RBFOX1: variants seen among roughly 807,000 people sequenced by gnomAD.
The protein encoded by RBFOX1 is RNA binding fox-1 homolog 1.
In RBFOX1, 8 loss-of-function variants were observed where a neutral mutation model predicts 57.7. The ratio of observed to expected loss-of-function variants is 0.14; its 90% CI spans 0.08 to 0.25. The LOEUF (loss-of-function observed/expected upper bound fraction) is 0.25. Ranked by LOEUF, RBFOX1 falls within the 10% of genes least tolerant of loss-of-function variation. The probability of loss-of-function intolerance (pLI) is 1.00; values close to 1 mark genes in which losing one functional copy is unlikely to be tolerated. For missense variants in RBFOX1, 611 were observed against 548.5 expected, an observed-to-expected ratio of 1.11 and a Z score of -1.14; for synonymous variants, 326 against 222.4, an observed-to-expected ratio of 1.47 and a Z score of -4.15.
chr16:6,074,191 G>A (rs971823591), intron 1 of RBFOX1, among the ~76,000 whole-genome samples: 6 of 151,932 alleles, frequency 3.9e-5, no homozygotes, highest in East Asian at 1.9e-4. Context: ...CTTGTGATCC[G>A]CCCGCCTCAG....
chr16:6,846,458 C>T (rs1026707473), intron 3 of RBFOX1, among the ~76,000 whole-genome samples: 1 of 152,130 alleles, frequency 6.6e-6, no homozygotes, highest in East Asian at 1.9e-4. Context: ...TATAAGAAGA[C>T]ACCTGGGTCA....
chr16:5,624,419 G>T (rs918211617), intron 3 of RBFOX1, among the ~76,000 whole-genome samples: 1 of 152,178 alleles, frequency 6.6e-6, no homozygotes, highest in Non-Finnish European at 1.5e-5. Context: ...GGATGGTCTG[G>T]ATCTCCTGAC....
At chr16:7,424,909 A>T (rs1240427957) in intron 4 of RBFOX1, among the ~76,000 whole-genome samples, 1 of 152,168 alleles carries the variant, frequency 6.6e-6, no homozygotes, top group African/African-American at 2.4e-5. Flanking sequence ...GGAGCAGAAT[A>T]TAATACAAAT....
At chr16:6,145,472 T>A (rs1168864178) in intron 1 of RBFOX1, among the ~76,000 whole-genome samples, 1 of 152,224 alleles carries the variant, frequency 6.6e-6, no homozygotes, top group African/African-American at 2.4e-5. Context: ...GTCTTTGCTA[T>A]TGTGAATAGT....
At chr16:6,022,988 G>C (rs2095113270) in intron 1 of RBFOX1, among the ~76,000 whole-genome samples, 1 of 152,096 alleles carries the variant, frequency 6.6e-6, no homozygotes, top group South Asian at 2.1e-4. Context: ...GAGGGATTCG[G>C]GGATCTAAAA....
intron 4 of RBFOX1, among the ~76,000 whole-genome samples, chr16:7,300,539 A>G (rs1157886680): frequency 6.6e-6 from 1 of 152,228 alleles, no homozygotes; most frequent in Non-Finnish European, 1.5e-5. Context: ...ATAGATGATT[A>G]CATTGAAGTT....
At chr16:5,643,232 G>A (rs1015951414) in intron 3 of RBFOX1, among the ~76,000 whole-genome samples, 1 of 152,202 alleles carries the variant, frequency 6.6e-6, no homozygotes, top group South Asian at 2.1e-4. Flanking sequence ...ATGGGCAGGT[G>A]AGCCCCGCTT....
intron 3 of RBFOX1, among the ~76,000 whole-genome samples, chr16:6,945,433 C>T (rs1470769223): frequency 6.6e-6 from 1 of 151,874 alleles, no homozygotes; most frequent in African/African-American, 2.4e-5. Context: ...CCAATGGTGC[C>T]AGATTTTATC....
At chr16:6,158,379 A>G (rs2096853640) in intron 1 of RBFOX1, among the ~76,000 whole-genome samples, 1 of 152,204 alleles carries the variant, frequency 6.6e-6, no homozygotes, top group African/African-American at 2.4e-5. Context: ...TTGTTAGTCA[A>G]TAGTGAAGGA....
At chr16:7,227,767 C>G (rs1222183316) in intron 4 of RBFOX1, among the ~76,000 whole-genome samples, 2 of 152,218 alleles carry the variant, frequency 1.3e-5, no homozygotes, top group African/African-American at 4.8e-5. Flanking sequence ...GGAATCTCTC[C>G]CTTCCTGTGG....
intron 2 of RBFOX1, among the ~76,000 whole-genome samples, chr16:6,481,263 G>A (rs1481043772): frequency 6.6e-6 from 1 of 152,208 alleles, no homozygotes; most frequent in African/African-American, 2.4e-5. Context: ...AGTTACAGCT[G>A]TAAATGTGGG....
chr16:6,826,382 G>A (rs1299272049), intron 3 of RBFOX1, among the ~76,000 whole-genome samples: 1 of 152,158 alleles, frequency 6.6e-6, no homozygotes, highest in Admixed American at 6.5e-5. Flanking sequence ...TTAGAACACT[G>A]CCTGGTACAT....
intron 3 of RBFOX1, among the ~76,000 whole-genome samples, chr16:7,013,437 A>C (rs542021865): frequency 1.3e-5 from 2 of 152,314 alleles, no homozygotes; most frequent in South Asian, 2.1e-4. Context: ...GGTTGCTACG[A>C]CTGGGAAGAG....
intron 4 of RBFOX1, among the ~76,000 whole-genome samples, chr16:7,137,455 T>C (rs1171730189): frequency 6.6e-6 from 1 of 152,174 alleles, no homozygotes; most frequent in Non-Finnish European, 1.5e-5. Context: ...GGGAAACCCC[T>C]TCACTTGGTT....
intron 1 of RBFOX1, among the ~76,000 whole-genome samples, chr16:6,293,064 C>G (rs988408289): frequency 6.6e-6 from 1 of 152,164 alleles, no homozygotes; most frequent in Non-Finnish European, 1.5e-5. Context: ...CAAGTCTTAT[C>G]TACTCCTCAT....
At chr16:7,397,370 C>T (rs1419368955) in intron 4 of RBFOX1, among the ~76,000 whole-genome samples, 2 of 152,142 alleles carry the variant, frequency 1.3e-5, no homozygotes, top group Non-Finnish European at 2.9e-5. Flanking sequence ...GACTGTAGGA[C>T]ACCAGTCTAT....
At chr16:6,225,635 C>G (rs185345348) in intron 1 of RBFOX1, among the ~76,000 whole-genome samples, 1 of 152,160 alleles carries the variant, frequency 6.6e-6, no homozygotes, top group Non-Finnish European at 1.5e-5. Context: ...GAATTGCTCA[C>G]AATACAATAT....
intron 3 of RBFOX1, among the ~76,000 whole-genome samples, chr16:6,767,714 G>A (rs2077537788): frequency 6.6e-6 from 1 of 151,834 alleles, no homozygotes; most frequent in Admixed American, 6.6e-5. Flanking sequence ...AGGAGTTCGA[G>A]AGCAGCCTGG....
At chr16:6,610,421 C>T (rs929315896) in intron 2 of RBFOX1, among the ~76,000 whole-genome samples, 4 of 151,848 alleles carry the variant, frequency 2.6e-5, no homozygotes, top group African/African-American at 4.8e-5. Context: ...TCAACCTTGC[C>T]GGCTCAAGTG....
Sources: gnomAD v4.1 joint callset for allele counts (sites outside exome capture counted in the v4.1 genomes callset) on GRCh38, gnomAD v4.1.1 for gene constraint, MANE v1.5 for transcripts, NCBI Gene and HGNC (gene_info 2026-07-23, HGNC 2026-07-21) for gene names.